NF1: variants seen among roughly 807,000 people sequenced by gnomAD.
NF1 encodes the protein neurofibromin 1.
In NF1, 122 loss-of-function variants were observed where a neutral mutation model predicts 325.7. The ratio of observed to expected loss-of-function variants is 0.37; its 90% confidence interval spans 0.32 to 0.44. NF1 has a LOEUF of 0.44. Among genes scored for constraint, NF1 ranks in the 20% least tolerant of loss-of-function variants. The pLI, the probability that NF1 is intolerant of heterozygous loss-of-function variation, is 1.00. For synonymous variants in NF1, 1,091 were observed against 1,186.0 expected (o/e 0.92, Z 1.65); for missense variants, 2,140 against 3,415.4 (o/e 0.63, Z 9.31).
rs142667258 is a variant in NF1, at chr17:31,192,384, C to T, written c.889-8038C>T. On this transcript the variant is annotated intron_variant, in intron 8 of 57. Transcript: ENST00000358273. ...AATACATTGGTTTGGTTTAGAAAGG[C>T]GCGACAACTCAAAGTGGGGGCTTCC... Among the ~76,000 whole-genome samples the T allele has an allele frequency of 9.4e-3, 1,435 of 152,192 alleles. 27 individuals are homozygous for T. Among genetic ancestry groups the T allele is most frequent in the African/African-American group, 0.032 (1,349 of 41,528 alleles).
intron 36 of NF1, among the ~76,000 whole-genome samples, chr17:31,301,078 T>C (rs2068563466): frequency 6.6e-6 from 1 of 152,078 alleles, no homozygotes; most frequent in Admixed American, 6.5e-5. Flanking sequence ...AATTTTTTTT[T>C]CCAGTTTGCC....
chr17:31,120,417 G>T lies in NF1; in HGVS notation c.60+25048G>T, dbSNP rs1914326378. On this transcript the variant is annotated intron_variant, in intron 1 of 57. Coordinates refer to ENST00000358273, the MANE Select transcript of NF1 (RefSeq NM_001042492.3). ...ATGATTTGGCTGTTTGTCTGTTATTGGTGTATAGGAATGCTTGTGATTTTT... is the reference window on the plus strand; with the variant it reads ...ATGATTTGGCTGTTTGTCTGTTATTTGTGTATAGGAATGCTTGTGATTTTT... Among the ~76,000 whole-genome samples the T allele has an allele frequency of 2.0e-5, 3 of 152,172 alleles. No homozygotes were observed. In the South Asian group the frequency reaches 6.2e-4, roughly 32 times the overall value.
chr17:31,209,264 A>G (rs1377057209), intron 12 of NF1, among the ~76,000 whole-genome samples: 1 of 152,204 alleles, frequency 6.6e-6, no homozygotes, highest in East Asian at 1.9e-4. Context: ...TATTGCCTCA[A>G]ATGATTTGGG....
chr17:31,264,408 T>A (rs2067749791), intron 35 of NF1, among the ~76,000 whole-genome samples: 1 of 144,772 alleles, frequency 6.9e-6, no homozygotes, highest in South Asian at 2.2e-4. Context: ...CAAAACTCCA[T>A]CTCAAAAAAA....
At chr17:31,166,231 A>G (rs778514917) in intron 4 of NF1, among the ~76,000 whole-genome samples, 1 of 152,182 alleles carries the variant, frequency 6.6e-6, no homozygotes, top group Admixed American at 6.5e-5. Flanking sequence ...ATTTGGTTCC[A>G]TACAAATCTG....
At chr17:31,236,450 A>T (rs1462098063) in intron 29 of NF1, among the ~76,000 whole-genome samples, 4 of 151,842 alleles carry the variant, frequency 2.6e-5, no homozygotes, top group South Asian at 4.2e-4. Flanking sequence ...TCATTTTTTT[A>T]AAAATTTGAG....
intron 36 of NF1, among the ~76,000 whole-genome samples, chr17:31,302,513 A>G (rs2068597350): frequency 6.6e-6 from 1 of 152,030 alleles, no homozygotes; most frequent in South Asian, 2.1e-4. Flanking sequence ...GAAATTCTCA[A>G]CTCCAGATTG....
In NF1 at chr17:31,374,229, C is replaced by T. The variant is rs1003974810; in HGVS notation, c.*74C>T. 1.9e-6 allele frequency: 3 copies of T among 1,591,028 alleles called. No homozygotes were observed. The highest frequency in any genetic ancestry group is 3.3e-5 in the Admixed American group (2 of 59,740). ...TAGTGACCCCTTCCCTGTCCTTGCC[C>T]TTTCCCCCCATGTTGTAATGCTGCA... On this transcript the variant is annotated 3_prime_UTR_variant, in exon 58 of 58. Transcript: ENST00000358273.
intron 1 of NF1, among the ~76,000 whole-genome samples, chr17:31,101,596 T>C (rs1229086648): frequency 6.6e-6 from 1 of 152,196 alleles, no homozygotes; most frequent in Non-Finnish European, 1.5e-5. Context: ...CTTCTGTGTG[T>C]ATCATGCTTC....
At chr17:31,102,796 AAT>A (rs1478297697) in intron 1 of NF1, among the ~76,000 whole-genome samples, 1 of 149,940 alleles carries the variant, frequency 6.7e-6, no homozygotes, top group African/African-American at 2.4e-5. Context: ...TACCTTGGCC[AAT>A]ATATACCTTA....
chr17:31,254,289 A>AG (rs1276502277), intron 31 of NF1: 4 of 151,140 alleles, frequency 2.6e-5, no homozygotes, highest in African/African-American at 7.3e-5. Context: ...AAAAAAAAAA[A>AG]AAAGAAAACG....
At chr17:31,324,968 T>C (rs1030232064) in intron 36 of NF1, among the ~76,000 whole-genome samples, 3 of 152,250 alleles carry the variant, frequency 2.0e-5, no homozygotes, top group South Asian at 2.1e-4. Context: ...ACTTTGGGCC[T>C]AAGTTAACAT....
At chr17:31,149,289 CAT>C (rs1290417824) in intron 1 of NF1, among the ~76,000 whole-genome samples, 8 of 145,836 alleles carry the variant, frequency 5.5e-5, no homozygotes, top group Non-Finnish European at 9.1e-5. Flanking sequence ...CACACACACA[CAT>C]ACACACACAC....
intron 36 of NF1, among the ~76,000 whole-genome samples, chr17:31,308,339 C>A (rs1297543730): frequency 2.0e-5 from 3 of 152,036 alleles, no homozygotes; most frequent in Admixed American, 2.0e-4. Flanking sequence ...CAGGGTTTCA[C>A]CATGTTGTCC....
intron 48 of NF1, among the ~76,000 whole-genome samples, chr17:31,347,012 C>G (rs1214117187): frequency 6.6e-6 from 1 of 150,622 alleles, no homozygotes; most frequent in Non-Finnish European, 1.5e-5. Flanking sequence ...GACACTGTTC[C>G]TTTCTTTTAT....
rs555397242 is a variant in NF1, at chr17:31,191,765, A to G, written c.889-8657A>G. The stretch of plus-strand genomic sequence containing the variant: ...TAAAAGAAAAAAGTATTAATGGCTT[A>G]AACATTAATTTTCCAAATGAGAGCA... On this transcript the variant is annotated intron_variant, in intron 8 of 57. Transcript: ENST00000358273. Among the ~76,000 whole-genome samples, 8 of 152,366 alleles carry G rather than the reference A, an allele frequency of 5.3e-5. No individual in the cohort carries two copies. The South Asian group carries it at 1.7e-3, about 32-fold the overall frequency.
At chr17:31,110,930 T>C (rs1173737123) in intron 1 of NF1, among the ~76,000 whole-genome samples, 1 of 152,066 alleles carries the variant, frequency 6.6e-6, no homozygotes, top group Non-Finnish European at 1.5e-5. Context: ...CCCAGGTAAA[T>C]TTAATGTATA....
intron 14 of NF1, among the ~76,000 whole-genome samples, 200 bp from the exon 15 acceptor site, chr17:31,221,650 T>C (rs547461668): frequency 2.6e-4 from 39 of 152,290 alleles, no homozygotes; most frequent in African/African-American, 8.7e-4. Flanking sequence ...GGGAATAAAA[T>C]GATTTCATTC....
intron 29 of NF1, 87 bp downstream of exon 29, chr17:31,236,108 C>T: frequency 1.1e-5 from 10 of 902,398 alleles, no homozygotes; most frequent in South Asian, 8.6e-5. Context: ...AAGCAAGGCA[C>T]CTTCTCCCCT....
Sources: gnomAD v4.1 joint callset for allele counts (sites outside exome capture counted in the v4.1 genomes callset) on GRCh38, gnomAD v4.1.1 for gene constraint, MANE v1.5 for transcripts, NCBI Gene and HGNC (gene_info 2026-07-23, HGNC 2026-07-21) for gene names.